Variants in PRKG1 observed in about 807,000 individuals in gnomAD.
The protein encoded by PRKG1 is protein kinase cGMP-dependent 1.
In PRKG1, 35 loss-of-function variants were observed where a neutral mutation model predicts 88.1. The observed-to-expected ratio is 0.40, with a 90% CI of 0.30 to 0.53. PRKG1 has a LOEUF of 0.53. PRKG1 is among the 20% of genes least tolerant of loss of function. The pLI is 0.59. For missense variants in PRKG1, 540 were observed against 839.8 expected (o/e 0.64, Z 4.41); for synonymous variants, 303 against 292.5 (o/e 1.04, Z -0.37).
intron 5 of PRKG1, among the ~76,000 whole-genome samples, chr10:51,996,093 A>G (rs1844432474): frequency 6.6e-6 from 1 of 152,040 alleles, no homozygotes; most frequent in South Asian, 2.1e-4. Context: ...CAGATAGATC[A>G]CGAGGTCAGG....
intron 5 of PRKG1, among the ~76,000 whole-genome samples, chr10:52,012,722 TAGAG>T (rs1226543836): frequency 6.6e-6 from 1 of 152,062 alleles, no homozygotes; most frequent in Non-Finnish European, 1.5e-5. Flanking sequence ...AAATCCTAGA[TAGAG>T]AGATGAGGAG....
At chr10:51,393,438 TC>T (rs1168621793) in intron 2 of PRKG1, among the ~76,000 whole-genome samples, 9 of 152,060 alleles carry the variant, frequency 5.9e-5, no homozygotes, top group Non-Finnish European at 1.3e-4. Flanking sequence ...GCAGAGACGC[TC>T]CTCACTTCCC....
At chr10:52,116,549 T>C (rs1000216931) in intron 7 of PRKG1, among the ~76,000 whole-genome samples, 3 of 151,994 alleles carry the variant, frequency 2.0e-5, no homozygotes, top group Admixed American at 1.3e-4. Context: ...AGAATGTTTT[T>C]CTAATAACAA....
chr10:51,163,309 G>C (rs755410107), intron 2 of PRKG1, among the ~76,000 whole-genome samples: 26 of 152,162 alleles, frequency 1.7e-4, no homozygotes, highest in Non-Finnish European at 3.2e-4. Flanking sequence ...AATTACTTTA[G>C]TCATTTATTA....
chr10:51,385,587 A>G (rs1837229521), intron 2 of PRKG1, among the ~76,000 whole-genome samples: 1 of 152,086 alleles, frequency 6.6e-6, no homozygotes, highest in African/African-American at 2.4e-5. Flanking sequence ...AGCCCTCATC[A>G]TCTTCAGAAT....
At chr10:51,449,223 G>A (rs950941812) in intron 2 of PRKG1, among the ~76,000 whole-genome samples, 1 of 151,728 alleles carries the variant, frequency 6.6e-6, no homozygotes, top group Non-Finnish European at 1.5e-5. Context: ...AAATGGTCCA[G>A]TGCTAAAAAT....
rs1428645962 is a variant in PRKG1 at position 52,287,710 on chromosome 10, A to G, written c.1710-1016A>G. Among the ~76,000 whole-genome samples, 428 of 151,776 alleles carry G rather than the reference A, an allele frequency of 2.8e-3. 2 individuals are homozygous for G. The highest frequency in any genetic ancestry group is 1.0e-2 in the African/African-American group (411 of 41,268). ...AGGATGGATCAGTTAAAAAAAAAAA[A>G]AAAAAAAAAAATCAACAGATCTGGC... On this transcript the variant is annotated intron_variant, in intron 14 of 17. Transcript: ENST00000373980.
At chr10:51,017,217 T>C (rs2132730358) in intron 1 of PRKG1, among the ~76,000 whole-genome samples, 1 of 152,262 alleles carries the variant, frequency 6.6e-6, no homozygotes, top group Non-Finnish European at 1.5e-5. Context: ...TGTAGCACCC[T>C]TTATTTATCC....
intron 2 of PRKG1, among the ~76,000 whole-genome samples, chr10:51,359,682 C>G (rs759556863): frequency 6.6e-5 from 10 of 151,722 alleles, no homozygotes; most frequent in Non-Finnish European, 1.2e-4. Context: ...TGAGACTTTC[C>G]TTGCTGTAAA....
intron 1 of PRKG1, among the ~76,000 whole-genome samples, chr10:51,134,791 T>C (rs1845650848): frequency 6.6e-6 from 1 of 152,156 alleles, no homozygotes; most frequent in Non-Finnish European, 1.5e-5. Flanking sequence ...CCACTTTCCC[T>C]ATAGTGTACA....
intron 1 of PRKG1, among the ~76,000 whole-genome samples, chr10:51,005,339 T>C (rs1842930435): frequency 6.6e-6 from 1 of 152,090 alleles, no homozygotes; most frequent in Non-Finnish European, 1.5e-5. Flanking sequence ...AAAAATTTAG[T>C]TTTGGTAGTA....
At chr10:51,032,996 T>C (rs1237388702) in intron 1 of PRKG1, among the ~76,000 whole-genome samples, 2 of 152,178 alleles carry the variant, frequency 1.3e-5, no homozygotes, top group African/African-American at 4.8e-5. Flanking sequence ...ATCTTATTTC[T>C]ACTACAGTTT....
intron 3 of PRKG1, among the ~76,000 whole-genome samples, chr10:51,530,829 T>C (rs1034585092): frequency 6.6e-6 from 1 of 152,184 alleles, no homozygotes; most frequent in Non-Finnish European, 1.5e-5. Context: ...TTTTCCCATG[T>C]GTTTTTGTTG....
At chr10:51,482,770 T>C (rs559951270) in intron 3 of PRKG1, among the ~76,000 whole-genome samples, 2 of 152,158 alleles carry the variant, frequency 1.3e-5, no homozygotes, top group Non-Finnish European at 2.9e-5. Context: ...ACAAGCAGCT[T>C]AACTTCTCTA....
intron 9 of PRKG1, among the ~76,000 whole-genome samples, chr10:52,224,447 T>C (rs1840327801): frequency 6.6e-6 from 1 of 151,988 alleles, no homozygotes; most frequent in Non-Finnish European, 1.5e-5. Flanking sequence ...TAATTTTATA[T>C]ATATTTTTAA....
At chr10:52,152,769 T>C (rs1564492046) in intron 8 of PRKG1, among the ~76,000 whole-genome samples, 1 of 152,118 alleles carries the variant, frequency 6.6e-6, no homozygotes. Context: ...AGTGAGAAAA[T>C]GGCAGTTGAG....
chr10:51,379,560 T>C (rs1178442441), intron 2 of PRKG1, among the ~76,000 whole-genome samples: 3 of 152,242 alleles, frequency 2.0e-5, no homozygotes, highest in Non-Finnish European at 1.5e-5. Context: ...CCATTGCATC[T>C]GTAGAGCTTA....
At chr10:51,096,959 C>T (rs1303683477) in intron 1 of PRKG1, among the ~76,000 whole-genome samples, 3 of 152,158 alleles carry the variant, frequency 2.0e-5, no homozygotes, top group Non-Finnish European at 4.4e-5. Flanking sequence ...ATTATCTGTC[C>T]TAAAATGTCA....
At chr10:51,871,538 G>A (rs935492101) in intron 4 of PRKG1, among the ~76,000 whole-genome samples, 1 of 152,212 alleles carries the variant, frequency 6.6e-6, no homozygotes, top group Non-Finnish European at 1.5e-5. Context: ...AGTGGCTACT[G>A]TCCCAGCCCC....
Sources: allele counts gnomAD v4.1 joint callset (sites outside exome capture counted in the v4.1 genomes callset), GRCh38; gene constraint gnomAD v4.1.1; transcripts MANE v1.5; gene names NCBI Gene and HGNC (gene_info 2026-07-23, HGNC 2026-07-21).